SIPA1L1: variants seen among roughly 807,000 people sequenced by gnomAD.
SIPA1L1 encodes signal-induced proliferation-associated 1-like protein 1.
A neutral mutation model predicts 162.7 loss-of-function variants in SIPA1L1; 26 were observed. That is an observed-to-expected ratio of 0.16 (90% CI 0.12 to 0.22). SIPA1L1 has a LOEUF of 0.22. Among genes scored for constraint, SIPA1L1 ranks in the 10% least tolerant of loss-of-function variants. The probability of loss-of-function intolerance (pLI) is 1.00; values close to 1 mark genes in which losing one functional copy is unlikely to be tolerated. For synonymous variants in SIPA1L1, 829 were observed against 837.4 expected (o/e 0.99, Z 0.17); for missense variants, 1,874 against 2,241.0 (o/e 0.84, Z 3.31).
intron 13 of SIPA1L1, among the ~76,000 whole-genome samples, chr14:71,690,699 A>G (rs974791265): frequency 1.3e-5 from 2 of 152,016 alleles, no homozygotes; most frequent in African/African-American, 2.4e-5. Context: ...CGCCTATCTC[A>G]TCACCCTGAA....
At chr14:71,446,913 T>TTTG (rs2045427176) in intron 2 of SIPA1L1, among the ~76,000 whole-genome samples, 2 of 129,422 alleles carry the variant, frequency 1.5e-5, no homozygotes, top group African/African-American at 6.2e-5. Context: ...TTTGTTTTTT[T>TTTG]TTTTTTTTTT....
intron 19 of SIPA1L1, 31 bp downstream of exon 19, chr14:71,724,866 T>C: frequency 6.3e-7 from 1 of 1,596,904 alleles, no homozygotes; most frequent in Non-Finnish European, 8.6e-7. Flanking sequence ...TAGATGGCAA[T>C]TAGAAACAAG....
intron 2 of SIPA1L1, among the ~76,000 whole-genome samples, chr14:71,399,300 A>G (rs1210910589): frequency 6.6e-6 from 1 of 152,232 alleles, no homozygotes; most frequent in Non-Finnish European, 1.5e-5. Context: ...TTTCCTGTAA[A>G]TGAGAGCAGT....
chr14:71,663,963 A>G (rs1306893947), intron 10 of SIPA1L1, among the ~76,000 whole-genome samples: 1 of 152,214 alleles, frequency 6.6e-6, no homozygotes, highest in Non-Finnish European at 1.5e-5. Context: ...ACCTATGCCT[A>G]TTGCAAACTT....
intron 7 of SIPA1L1, among the ~76,000 whole-genome samples, chr14:71,639,076 C>G (rs1032612319): frequency 6.6e-6 from 1 of 152,124 alleles, no homozygotes; most frequent in African/African-American, 2.4e-5. Context: ...ATGAATAGGA[C>G]TTGTATTTTG....
intron 2 of SIPA1L1, among the ~76,000 whole-genome samples, chr14:71,409,869 A>T (rs941394437): frequency 1.1e-4 from 17 of 152,148 alleles, no homozygotes; most frequent in Non-Finnish European, 2.2e-4. Context: ...TTCATAATTG[A>T]CTTAGTAACA....
chr14:71,720,419 A>G (rs942721616), intron 17 of SIPA1L1, among the ~76,000 whole-genome samples: 1 of 152,068 alleles, frequency 6.6e-6, no homozygotes. Context: ...TGTCTCTACT[A>G]AAAATACAAA....
intron 16 of SIPA1L1, among the ~76,000 whole-genome samples, chr14:71,707,444 A>G (rs1782039043): frequency 6.6e-6 from 1 of 152,078 alleles, no homozygotes; most frequent in Non-Finnish European, 1.5e-5. Context: ...ATTCCTGGGC[A>G]TTTTCGTCAC....
chr14:71,549,191 C>T (rs2055550473), intron 4 of SIPA1L1, among the ~76,000 whole-genome samples: 1 of 152,062 alleles, frequency 6.6e-6, no homozygotes, highest in Non-Finnish European at 1.5e-5. Context: ...TCCAGGGGGC[C>T]CACAGTGACA....
chr14:71,387,269 A>G (rs1218755355), intron 2 of SIPA1L1, among the ~76,000 whole-genome samples: 2 of 150,538 alleles, frequency 1.3e-5, no homozygotes, highest in Non-Finnish European at 3.0e-5. Context: ...AAAAAAAAAA[A>G]AAAAAAAGAA....
chr14:71,427,039 C>T (rs1350640989), intron 2 of SIPA1L1, among the ~76,000 whole-genome samples: 1 of 152,168 alleles, frequency 6.6e-6, no homozygotes, highest in African/African-American at 2.4e-5. Flanking sequence ...TCTTAAATCA[C>T]AGAGCAAACA....
chr14:71,734,854 G>A (rs1227557858), intron 21 of SIPA1L1, among the ~76,000 whole-genome samples: 2 of 152,186 alleles, frequency 1.3e-5, no homozygotes, highest in African/African-American at 4.8e-5. Context: ...ATGGATTTAT[G>A]TTAAAGCCAA....
chr14:71,671,124 C>G lies in SIPA1L1; in HGVS notation c.2261C>G (p.Ala754Gly). The G allele has an allele frequency of 6.3e-7, 1 of 1,597,284 alleles. No individual in the cohort carries two copies. The highest frequency in any genetic ancestry group is 8.5e-7 in the Non-Finnish European group (1 of 1,170,238). ...PCSDSVCYSV[A>G]VTRSRDVPSF... ...CTTTGATCTTTGTCTCTCAGTGTGGCTGTTACCAGGTCCAGAGATGTGCCT... is the reference window on the plus strand; with the variant it reads ...CTTTGATCTTTGTCTCTCAGTGTGGGTGTTACCAGGTCCAGAGATGTGCCT... Residue 754 changes from alanine (A) to glycine (G), a missense_variant, in exon 11 of 24, where the codon GCT becomes GGT. Ala to Gly is a moderately conservative substitution (Grantham distance 60, BLOSUM62 0). This residue lies in a region of SIPA1L1 where 243 missense variants were observed against 315.0 expected (regional missense o/e 0.77). Coordinates refer to ENST00000381232, the MANE Select transcript of SIPA1L1 (RefSeq NM_001386936.1).
chr14:71,435,749 A>G (rs1194095480), intron 2 of SIPA1L1, among the ~76,000 whole-genome samples: 1 of 152,358 alleles, frequency 6.6e-6, no homozygotes, highest in Non-Finnish European at 1.5e-5. Flanking sequence ...AGGAATCGCC[A>G]TGCTGTCCTC....
At chr14:71,688,259 CA>C (rs1436767373) in intron 13 of SIPA1L1, among the ~76,000 whole-genome samples, 1 of 152,118 alleles carries the variant, frequency 6.6e-6, no homozygotes, top group Non-Finnish European at 1.5e-5. Context: ...ACATGATGCT[CA>C]AAGGAAATGC....
At chr14:71,330,841 T>C in intron 2 of SIPA1L1, 1 of 589,146 alleles carries the variant, frequency 1.7e-6, no homozygotes, top group South Asian at 2.1e-5. Context: ...TGAGATAGAT[T>C]ATTTGCAAAT....
At chr14:71,627,131 CTTTTTTTTTTTTTTTTTTTTTTTT>C (rs71105788) in intron 7 of SIPA1L1, among the ~76,000 whole-genome samples, 21 of 48,790 alleles carry the variant, frequency 4.3e-4, no homozygotes, top group Non-Finnish European at 5.7e-4. Flanking sequence ...ACTTTCACTA[CTTTTTTTTTTTTTTTTTTTTTTTT>C]TTTTTTTTTT....
At chr14:71,485,180 A>C (rs2048651099) in intron 2 of SIPA1L1, among the ~76,000 whole-genome samples, 1 of 152,234 alleles carries the variant, frequency 6.6e-6, no homozygotes, top group African/African-American at 2.4e-5. Flanking sequence ...TTTAAAGATA[A>C]AATGACAGGA....
rs766040750 is a variant in SIPA1L1, at chr14:71,588,564, A to G, written c.692A>G (p.Asp231Gly). The change falls in exon 5 of 24, where the codon GAT (aspartate) becomes GGT (glycine). Residue 231 changes from aspartate (D) to glycine (G), a missense_variant. Physicochemically the swap from Asp to Gly is moderately conservative, Grantham distance 94 (BLOSUM62 -1). Around this residue, in one of 5 missense-constraint regions of SIPA1L1, gnomAD observed 685 missense variants for 828.0 expected, o/e 0.83. Coordinates refer to ENST00000381232, the MANE Select transcript of SIPA1L1 (RefSeq NM_001386936.1). This position sits in a 1 kb window ranked among gnomAD's most constrained non-coding sequence, Gnocchi z 4.3. Reference protein sequence around the residue: ...SFFDLLKGYKDDKSDRGPTPT... With the variant: ...SFFDLLKGYKGDKSDRGPTPT... ...TTTGATTTGTTAAAGGGCTACAAAGATGACAAATCTGATCGAGGTCCAACT... is the reference window on the plus strand; with the variant it reads ...TTTGATTTGTTAAAGGGCTACAAAGGTGACAAATCTGATCGAGGTCCAACT... The G allele has an allele frequency of 1.2e-6, 2 of 1,614,012 alleles. No individual in the cohort carries two copies. Among genetic ancestry groups the G allele is most frequent in the African/African-American group, 2.7e-5 (2 of 74,934 alleles).
Sources: allele counts gnomAD v4.1 joint callset (sites outside exome capture counted in the v4.1 genomes callset), GRCh38; gene constraint gnomAD v4.1.1; regional missense constraint gnomAD v4.1.1; non-coding constraint Gnocchi (gnomAD v3.1); transcripts MANE v1.5; gene names NCBI Gene and HGNC (gene_info 2026-07-23, HGNC 2026-07-21).